Variants in TBCK observed in about 807,000 individuals in gnomAD.
TBCK encodes the protein TBC domain-containing protein kinase-like protein.
In TBCK, 99 loss-of-function variants were observed where a neutral mutation model predicts 113.4. The observed-to-expected ratio is 0.87, with a 90% confidence interval of 0.74 to 1.03. The LOEUF is 1.03. Ranked by LOEUF, TBCK falls within the 50% of genes least tolerant of loss-of-function variation. The pLI is 0.00. For synonymous variants in TBCK, 369 were observed against 370.8 expected, an observed-to-expected ratio of 1.00 and a Z score of 0.05; for missense variants, 1,045 against 1,061.3, an observed-to-expected ratio of 0.98 and a Z score of 0.21.
intron 3 of TBCK, among the ~76,000 whole-genome samples, chr4:106,263,504 T>TG (rs926344889): frequency 4.0e-5 from 6 of 151,686 alleles, no homozygotes; most frequent in Non-Finnish European, 7.4e-5. Context: ...TGGGCTTGGG[T>TG]GGGGGGTAGG....
At chr4:106,248,894 G>A (rs774308844) in intron 8 of TBCK, 27 bp downstream of exon 8, 8 of 1,563,394 alleles carry the variant, frequency 5.1e-6, no homozygotes, top group East Asian at 2.3e-5. Flanking sequence ...CAGCACAAAT[G>A]GACTAAGACC....
chr4:106,063,270 A>C (rs543723843), intron 25 of TBCK, among the ~76,000 whole-genome samples: 16 of 152,134 alleles, frequency 1.1e-4, no homozygotes, highest in Non-Finnish European at 1.9e-4. Flanking sequence ...ATCAAGAAAG[A>C]ATTCCTTGCA....
intron 8 of TBCK, 94 bp from the exon 9 acceptor site, chr4:106,248,400 T>G (rs1369784983): frequency 2.2e-6 from 2 of 892,696 alleles, no homozygotes; most frequent in Non-Finnish European, 3.3e-6. Flanking sequence ...TTTTTGATGT[T>G]TTTAAAGTTT....
rs566863174 is a variant in TBCK at position 106,225,447 on chromosome 4, A to C, written c.1774+4916T>G. Among the ~76,000 whole-genome samples, 11 of 152,076 alleles carry C rather than the reference A, an allele frequency of 7.2e-5. 1 individual carries two copies. The highest frequency in any genetic ancestry group is 6.5e-4 in the Admixed American group (10 of 15,276). On this transcript the variant is annotated intron_variant, in intron 19 of 25. Coordinates refer to ENST00000394708, the MANE Select transcript of TBCK (RefSeq NM_001163435.3). Reference sequence around the variant, plus strand: ...GATAAAATTGATCAAACTAAAGAACAGTCTTTTTGGTCTTTTTTTTGTTTG... The same window carrying C: ...GATAAAATTGATCAAACTAAAGAACCGTCTTTTTGGTCTTTTTTTTGTTTG...
intron 5 of TBCK, among the ~76,000 whole-genome samples, chr4:106,257,514 A>T (rs554649060): frequency 6.6e-6 from 1 of 152,270 alleles, no homozygotes; most frequent in Admixed American, 6.5e-5. Context: ...TGTGACTTAA[A>T]TTCAAATGGG....
At chr4:106,075,374 T>C (rs992305513) in intron 25 of TBCK, among the ~76,000 whole-genome samples, 1 of 152,242 alleles carries the variant, frequency 6.6e-6, no homozygotes, top group Non-Finnish European at 1.5e-5. Flanking sequence ...TGCCTGAGTA[T>C]GGAGGACGTG....
chr4:106,244,844 T>G, intron 10 of TBCK, 80 bp from the exon 11 acceptor site: 1 of 858,886 alleles, frequency 1.2e-6, no homozygotes, highest in African/African-American at 1.8e-5. Context: ...ATAGCTGCCA[T>G]TCTAAAAAAA....
intron 19 of TBCK, among the ~76,000 whole-genome samples, chr4:106,217,777 A>C (rs1301315302): frequency 6.6e-6 from 1 of 150,816 alleles, no homozygotes; most frequent in Non-Finnish European, 1.5e-5. Context: ...CAATATTGTG[A>C]AAATGGCCAT....
chr4:106,055,337 A>G (rs1337858669), intron 25 of TBCK, among the ~76,000 whole-genome samples: 1 of 151,666 alleles, frequency 6.6e-6, no homozygotes, highest in Non-Finnish European at 1.5e-5. Flanking sequence ...CTTCATGAAC[A>G]ATTATAAATT....
chr4:106,283,252 T>C (rs1764797248), intron 3 of TBCK, among the ~76,000 whole-genome samples: 1 of 152,110 alleles, frequency 6.6e-6, no homozygotes, highest in South Asian at 2.1e-4. Context: ...CTTACAACTT[T>C]AGGAGACAAT....
chr4:106,281,989 T>G (rs1440632938), intron 3 of TBCK, among the ~76,000 whole-genome samples: 1 of 152,136 alleles, frequency 6.6e-6, no homozygotes, highest in Non-Finnish European at 1.5e-5. Flanking sequence ...GCACTAACTT[T>G]TCTGGAAAAG....
Position 106,064,671 on chromosome 4 carries a change from C to A in TBCK, c.2572-17991G>T, listed in dbSNP as rs189615981. Among the ~76,000 whole-genome samples the A allele has an allele frequency of 4.6e-5, 7 of 151,946 alleles. No individual in the cohort carries two copies. In the East Asian group the frequency reaches 1.2e-3, roughly 25 times the overall value. ...TGGTCTCATAATCACAAAATATTAT[C>A]TAGATATAGTTAATAATTAATTTTA... On this transcript the variant is annotated intron_variant, in intron 25 of 25. Coordinates refer to ENST00000394708, the MANE Select transcript of TBCK (RefSeq NM_001163435.3).
chr4:106,147,734 T>C (rs1276358397), intron 23 of TBCK, among the ~76,000 whole-genome samples: 1 of 152,122 alleles, frequency 6.6e-6, no homozygotes, highest in Non-Finnish European at 1.5e-5. Context: ...GCATAAATTG[T>C]AGAGCATGTG....
intron 24 of TBCK, among the ~76,000 whole-genome samples, chr4:106,105,335 A>G (rs1396804333): frequency 6.6e-6 from 1 of 152,146 alleles, no homozygotes; most frequent in Non-Finnish European, 1.5e-5. Context: ...AGCCCCCAGG[A>G]GTCAAAAAAA....
At chr4:106,287,051 A>G (rs1199296766) in intron 3 of TBCK, among the ~76,000 whole-genome samples, 1 of 152,140 alleles carries the variant, frequency 6.6e-6, no homozygotes, top group African/African-American at 2.4e-5. Context: ...AGAGACTACC[A>G]TACTGATGAC....
intron 23 of TBCK, among the ~76,000 whole-genome samples, chr4:106,120,720 C>A (rs967473753): frequency 6.6e-6 from 1 of 152,156 alleles, no homozygotes; most frequent in African/African-American, 2.4e-5. Flanking sequence ...ACACCTCACA[C>A]GGCAGGGTAT....
Position 106,235,434 on chromosome 4 carries a change from T to C in TBCK, c.1351-67A>G. 2.9e-6 allele frequency: 3 copies of C among 1,029,760 alleles called. No individual in the cohort carries two copies. In the South Asian group the frequency reaches 5.0e-5, roughly 17 times the overall value. The allele number at this position is 1,029,760 out of a possible 1,614,324, so 63.8% of individuals were successfully genotyped here. A position where few individuals can be genotyped will look rare whatever the true frequency, so the allele number is the denominator to read the frequency against. ...AGTGCCATCTTTTAGTCTAGACAGT[T>C]CTGAATATACCCATGATAAAACTTA... On this transcript the variant is annotated intron_variant, in intron 14 of 25. Transcript: ENST00000394708.
At chr4:106,125,487 C>G (rs74665272) in intron 23 of TBCK, among the ~76,000 whole-genome samples, 1 of 151,776 alleles carries the variant, frequency 6.6e-6, no homozygotes, top group East Asian at 1.9e-4. Flanking sequence ...GATAACAGAT[C>G]GAAACTCCAT....
At chr4:106,079,541 A>G (rs894153096) in intron 25 of TBCK, among the ~76,000 whole-genome samples, 1 of 152,224 alleles carries the variant, frequency 6.6e-6, no homozygotes, top group African/African-American at 2.4e-5. Flanking sequence ...GAGGCAAATC[A>G]AGGACATAAA....
Sources: allele counts gnomAD v4.1 joint callset (sites outside exome capture counted in the v4.1 genomes callset), GRCh38; gene constraint gnomAD v4.1.1; transcripts MANE v1.5; gene names NCBI Gene and HGNC (gene_info 2026-07-23, HGNC 2026-07-21).